MYLK: variants seen among roughly 807,000 people sequenced by gnomAD.
The protein encoded by MYLK is myosin light chain kinase, smooth muscle.
In MYLK, 106 loss-of-function variants were observed where a neutral mutation model predicts 203.4. The observed-to-expected ratio is 0.52, with a 90% confidence interval of 0.45 to 0.61. The LOEUF is 0.61. MYLK is among the 20% of genes least tolerant of loss of function. The pLI is 0.00. For missense variants in MYLK, 2,072 were observed against 2,442.3 expected, an observed-to-expected ratio of 0.85 and a Z score of 3.20; for synonymous variants, 867 against 959.5, an observed-to-expected ratio of 0.90 and a Z score of 1.78.
intron 4 of MYLK, among the ~76,000 whole-genome samples, chr3:123,754,475 T>C (rs903364222): frequency 1.1e-4 from 16 of 152,238 alleles, no homozygotes; most frequent in African/African-American, 3.9e-4. Flanking sequence ...TTGAGTACTT[T>C]GGAGGAAATG....
At chr3:123,760,824 C>A (rs533703644) in intron 4 of MYLK, among the ~76,000 whole-genome samples, 1 of 151,976 alleles carries the variant, frequency 6.6e-6, no homozygotes, top group African/African-American at 2.4e-5. Flanking sequence ...ATTTAAAGAC[C>A]GAAACCCAAT....
chr3:123,724,139 C>CTTTTTTTT (rs5852359), intron 12 of MYLK, among the ~76,000 whole-genome samples: 10 of 80,856 alleles, frequency 1.2e-4, no homozygotes, highest in Admixed American at 2.0e-4. Flanking sequence ...CTAAGTTTTG[C>CTTTTTTTT]TTTTTTTTTT....
chr3:123,703,189 A>G (rs2061319213), intron 16 of MYLK, among the ~76,000 whole-genome samples: 1 of 152,144 alleles, frequency 6.6e-6, no homozygotes, highest in African/African-American at 2.4e-5. Flanking sequence ...CTCCCAGTGG[A>G]CAGACACTGG....
intron 3 of MYLK, among the ~76,000 whole-genome samples, chr3:123,824,562 T>C (rs1171290277): frequency 1.3e-5 from 2 of 152,170 alleles, no homozygotes; most frequent in Admixed American, 1.3e-4. Context: ...TGATGGGAGT[T>C]ACATTCTTTT....
At chr3:123,855,068 T>C (rs1021420563) in intron 2 of MYLK, among the ~76,000 whole-genome samples, 1 of 152,214 alleles carries the variant, frequency 6.6e-6, no homozygotes, top group Non-Finnish European at 1.5e-5. Flanking sequence ...CTATGTCTAA[T>C]TGCGGGTTAA....
intron 13 of MYLK, among the ~76,000 whole-genome samples, chr3:123,714,886 A>T (rs2332595): frequency 1.3e-5 from 2 of 152,130 alleles, no homozygotes; most frequent in South Asian, 2.1e-4. Context: ...ACAATGACTA[A>T]GAATAAGCCC....
At chr3:123,742,931 G>A (rs1285538645) in intron 5 of MYLK, among the ~76,000 whole-genome samples, 5 of 152,280 alleles carry the variant, frequency 3.3e-5, no homozygotes, top group Admixed American at 2.6e-4. Flanking sequence ...AATCCATAGA[G>A]AAAGATGGTG....
chr3:123,738,298 GTT>G (rs1480391468), intron 7 of MYLK, among the ~76,000 whole-genome samples: 1 of 152,130 alleles, frequency 6.6e-6, no homozygotes, highest in Non-Finnish European at 1.5e-5. Context: ...TGACTCAGAA[GTT>G]TTCTGCTATT....
chr3:123,633,804 A>C lies in MYLK; in HGVS notation c.4962-4178T>G, dbSNP rs568842150. On this transcript the variant is annotated intron_variant, in intron 29 of 33. Coordinates refer to ENST00000360304, the MANE Select transcript of MYLK (RefSeq NM_053025.4). ...AGAAGGTTAGGAGAGCAGAGGGTGC[A>C]GAAATGCCTCTTGGACTACACTTTC... Among the ~76,000 whole-genome samples, 4 of 152,318 alleles carry C rather than the reference A, an allele frequency of 2.6e-5. No homozygotes were observed. In the East Asian group the frequency reaches 7.7e-4, roughly 29 times the overall value.
intron 1 of MYLK, among the ~76,000 whole-genome samples, chr3:123,881,259 C>T (rs2033514874): frequency 6.6e-6 from 1 of 152,194 alleles, no homozygotes; most frequent in Admixed American, 6.5e-5. Flanking sequence ...TCTGAGCACT[C>T]AGGCCACCCA....
intron 11 of MYLK, among the ~76,000 whole-genome samples, chr3:123,730,804 G>C (rs971589829): frequency 7.9e-5 from 12 of 152,154 alleles, no homozygotes; most frequent in African/African-American, 2.7e-4. Context: ...TTTGGGAGGG[G>C]TAGTGAAAAT....
At chr3:123,736,663 G>C (rs181543527) in intron 8 of MYLK, among the ~76,000 whole-genome samples, 1 of 152,314 alleles carries the variant, frequency 6.6e-6, no homozygotes, top group Admixed American at 6.5e-5. Flanking sequence ...CCCTGGTAGA[G>C]GGGGTCAAGT....
chr3:123,806,884 C>T (rs1461314459), intron 3 of MYLK, among the ~76,000 whole-genome samples: 1 of 151,054 alleles, frequency 6.6e-6, no homozygotes, highest in Non-Finnish European at 1.5e-5. Flanking sequence ...AGGCTGGTCT[C>T]GAACTCCTGA....
rs532120506 is a variant in MYLK, at chr3:123,809,546, C to G, written c.-3-15702G>C. Reference sequence around the variant, plus strand: ...CGTCTAAAAAACAAAAACAAACAAACAAAAAGAAGACCTCTAAACATATAA... The same window carrying G: ...CGTCTAAAAAACAAAAACAAACAAAGAAAAAGAAGACCTCTAAACATATAA... On this transcript the variant is annotated intron_variant, in intron 3 of 33. Coordinates refer to ENST00000360304, the MANE Select transcript of MYLK (RefSeq NM_053025.4). 3.3e-5 allele frequency among the ~76,000 whole-genome samples: 5 copies of G among 152,160 alleles called. No homozygotes were observed. In the South Asian group the frequency reaches 1.0e-3, roughly 32 times the overall value.
intron 2 of MYLK, among the ~76,000 whole-genome samples, chr3:123,845,605 C>T (rs899273743): frequency 2.6e-5 from 4 of 152,286 alleles, no homozygotes; most frequent in East Asian, 1.9e-4. Flanking sequence ...ATCCATCTGC[C>T]GTAGCCTCCC....
At chr3:123,857,724 C>A (rs573254504) in intron 2 of MYLK, among the ~76,000 whole-genome samples, 122 of 142,026 alleles carry the variant, frequency 8.6e-4, no homozygotes, top group African/African-American at 2.9e-3. Flanking sequence ...GTGCAGTGCA[C>A]CAGCATGGCA....
intron 24 of MYLK, among the ~76,000 whole-genome samples, chr3:123,653,630 A>C (rs557605595): frequency 6.6e-6 from 1 of 152,202 alleles, no homozygotes; most frequent in African/African-American, 2.4e-5. Flanking sequence ...GATGGCAGGG[A>C]ACAAGGGAGA....
chr3:123,806,566 T>G (rs996674851), intron 3 of MYLK, among the ~76,000 whole-genome samples: 4 of 152,212 alleles, frequency 2.6e-5, no homozygotes, highest in Non-Finnish European at 5.9e-5. Flanking sequence ...GGGTTTTTAC[T>G]TAAAATGAAC....
intron 3 of MYLK, among the ~76,000 whole-genome samples, chr3:123,815,008 G>T (rs2065699096): frequency 6.6e-6 from 1 of 152,104 alleles, no homozygotes; most frequent in South Asian, 2.1e-4. Flanking sequence ...GGTCAGGCTG[G>T]TCTTGAACTC....
Sources: allele counts gnomAD v4.1 joint callset (sites outside exome capture counted in the v4.1 genomes callset), GRCh38; gene constraint gnomAD v4.1.1; transcripts MANE v1.5; gene names NCBI Gene and HGNC (gene_info 2026-07-23, HGNC 2026-07-21).